FCN3: variants seen among roughly 807,000 people sequenced by gnomAD.
FCN3 encodes the protein ficolin 3.
Under a neutral mutation model 31.5 loss-of-function variants are expected in FCN3, and 28 were observed. The ratio of observed to expected loss-of-function variants is 0.89; its 90% CI spans 0.66 to 1.22. FCN3 has a LOEUF of 1.22. Ranked by LOEUF, FCN3 falls within the 50% of genes most tolerant of loss-of-function variation. The pLI, the probability that FCN3 is intolerant of heterozygous loss-of-function variation, is 0.00. For synonymous variants in FCN3, 124 were observed against 147.4 expected (o/e 0.84, Z 1.15); for missense variants, 351 against 386.8 (o/e 0.91, Z 0.78).
intron 5 of FCN3, 59 bp from the exon 6 acceptor site, chr1:27,371,031 G>A: frequency 6.3e-7 from 1 of 1,575,816 alleles, no homozygotes; most frequent in Non-Finnish European, 8.7e-7. Context: ...AGCTGAGGGT[G>A]CAGGAACTGT....
Position 27,373,948 on chromosome 1 carries a change from C to T in FCN3, c.232+17G>A. ...GAGGCAAAGAAAGCGGGGAGGCCTC[C>T]AGCCCCACTTACTCACCTGGCTCAC... is the stretch of plus-strand genomic sequence containing the variant. On this transcript the variant is annotated intron_variant, in intron 3 of 7. Coordinates refer to ENST00000270879, the MANE Select transcript of FCN3 (RefSeq NM_003665.4). The T allele has an allele frequency of 6.2e-7, 1 of 1,611,978 alleles. No homozygotes were observed. Among genetic ancestry groups the T allele is most frequent in the Non-Finnish European group, 8.5e-7 (1 of 1,178,548 alleles).
At chr1:27,371,687 G>A (rs1297674296) in intron 5 of FCN3, among the ~76,000 whole-genome samples, 2 of 152,216 alleles carry the variant, frequency 1.3e-5, no homozygotes, top group Non-Finnish European at 2.9e-5. Flanking sequence ...CCCCCTCCAA[G>A]CCAAGTAGGC....
chr1:27,370,085 C>T (rs2016116041), intron 7 of FCN3, among the ~76,000 whole-genome samples: 4 of 151,456 alleles, frequency 2.6e-5, no homozygotes, highest in African/African-American at 9.7e-5. Flanking sequence ...TGGCTCGCTG[C>T]AACCTCTGCC....
chr1:27,371,048 T>G (rs1571088160), intron 5 of FCN3, 76 bp from the exon 6 acceptor site: 4 of 1,447,086 alleles, frequency 2.8e-6, no homozygotes, highest in Non-Finnish European at 3.8e-6. Flanking sequence ...CTGTGAGGGG[T>G]GGGTGGATAC....
intron 3 of FCN3, 131 bp from the exon 4 acceptor site, chr1:27,373,651 G>C (rs2016193306): frequency 1.1e-6 from 1 of 951,720 alleles, no homozygotes; most frequent in African/African-American, 1.6e-5. Flanking sequence ...CCCTGTAGGA[G>C]GGCCATCATA....
At position 27,374,747 on chromosome 1, in the gene FCN3, C is replaced by T. The variant is rs763657253; in HGVS notation, c.72G>A (p.Gln24=). Residue 24 remains glutamine (Q), a synonymous_variant, in exon 1 of 8, where the codon CAG becomes CAA. Transcript: ENST00000270879. ...LLGGPACLKT[Q]EHPSCPGPRE... ...GCCCACCTGGGCAGCTGGGGTGTTC[C>T]TGGGTCTTCAGGCAGGCAGGCCCCC... 1 of 1,396,750 alleles carries T rather than the reference C, an allele frequency of 7.2e-7. No individual in the cohort carries two copies. Among genetic ancestry groups the T allele is most frequent in the Non-Finnish European group, 9.3e-7 (1 of 1,070,590 alleles). 86.5% of individuals were successfully genotyped at this position (1,396,750 alleles called of 1,614,324 possible).
At chr1:27,371,364 T>C (rs1485221219) in intron 5 of FCN3, among the ~76,000 whole-genome samples, 1 of 152,090 alleles carries the variant, frequency 6.6e-6, no homozygotes, top group Non-Finnish European at 1.5e-5. Context: ...TCACTTGAGG[T>C]CAGGAGTTTG....
rs1311995399 is a variant in FCN3, at chr1:27,373,176, G to A, written c.353C>T (p.Pro118Leu). ...HLCLPEGRAL[P>L]VFCDMDTEGG... ...CTCGGTGTCCATGTCACAAAAGACTGGGAGGGCCCTGCCCTCAGGTAGGCA... is the reference window on the plus strand; with the variant it reads ...CTCGGTGTCCATGTCACAAAAGACTAGGAGGGCCCTGCCCTCAGGTAGGCA... The change falls in exon 5 of 8, where the codon CCA (proline) becomes CTA (leucine). Residue 118 changes from proline (P) to leucine (L), a missense_variant. Transcript: ENST00000270879. 1 of 1,613,726 alleles carries A rather than the reference G, an allele frequency of 6.2e-7. No homozygotes were observed. The highest frequency in any genetic ancestry group is 2.2e-5 in the East Asian group (1 of 44,880).
chr1:27,370,674 G>A lies in FCN3; in HGVS notation c.580C>T (p.His194Tyr). 1 of 1,614,262 alleles carries A rather than the reference G, an allele frequency of 6.2e-7. No individual in the cohort carries two copies. Residue 194 changes from histidine (H) to tyrosine (Y), a missense_variant, in exon 7 of 8, where the codon CAC becomes TAC. Physicochemically the swap from His to Tyr is moderately conservative, Grantham distance 83 (BLOSUM62 2). Transcript: ENST00000270879. ...CCGAGGAGGCGGAAGGTCGCATAGTGGGCGAAAGTACGGTTACCATTAAAG... is the reference window on the plus strand; with the variant it reads ...CCGAGGAGGCGGAAGGTCGCATAGTAGGCGAAAGTACGGTTACCATTAAAG... ...EDFNGNRTFA[H>Y]YATFRLLGEV...
Position 27,372,340 on chromosome 1 carries a change from G to A in FCN3, c.393+796C>T, listed in dbSNP as rs369807612. Among the ~76,000 whole-genome samples the A allele has an allele frequency of 2.8e-3, 424 of 151,316 alleles. 1 individual carries two copies. The highest frequency in any genetic ancestry group is 9.5e-3 in the African/African-American group (391 of 41,262). ...TTGGCTCACTGCAACCACCACCTCC[G>A]GGGTTCAAGCAATTCTCCCAGCTCA... is the stretch of plus-strand genomic sequence containing the variant. On this transcript the variant is annotated intron_variant, in intron 5 of 7. Transcript: ENST00000270879.
Position 27,374,362 on chromosome 1 carries a change from G to A in FCN3, c.181C>T (p.Pro61Ser). 6.2e-7 allele frequency: 1 copy of A among 1,610,976 alleles called. No homozygotes were observed. Among genetic ancestry groups the A allele is most frequent in the Non-Finnish European group, 8.5e-7 (1 of 1,177,476 alleles). Residue 61 changes from proline to serine, a missense_variant, in exon 2 of 8, where the codon CCT becomes TCT. Transcript: ENST00000270879. Reference sequence around the variant, plus strand: ...GCTCCCCAGCCCCTCTCACCTTGAGGACCTGGGGCTCCCTTCTCCCCAGGA... The same window carrying A: ...GCTCCCCAGCCCCTCTCACCTTGAGAACCTGGGGCTCCCTTCTCCCCAGGA... ...GSPGEKGAPG[P>S]QGPPGPPGKM...
At position 27,370,976 on chromosome 1, in the gene FCN3, G is replaced by C. The variant is rs1199094997; in HGVS notation, c.394-4C>G. 3 of 1,611,446 alleles carry C rather than the reference G, an allele frequency of 1.9e-6. No homozygotes were observed. Among genetic ancestry groups the C allele is most frequent in the Non-Finnish European group, 2.5e-6 (3 of 1,179,416 alleles). ...CATCCTGGCGCCTCTGAAACACCTGGGGGAGGGGGGGCACAGCAGCTATTA... is the reference window on the plus strand; with the variant it reads ...CATCCTGGCGCCTCTGAAACACCTGCGGGAGGGGGGGCACAGCAGCTATTA... On this transcript the variant is annotated splice_region_variant and splice_polypyrimidine_tract_variant and intron_variant, in intron 5 of 7. Transcript: ENST00000270879.
At position 27,373,960 on chromosome 1, in the gene FCN3, C is replaced by G; in HGVS notation, c.232+5G>C. ...GCGGGGAGGCCTCCAGCCCCACTTA[C>G]TCACCTGGCTCACCCTTGGGGCCCA... On this transcript the variant is annotated splice_donor_5th_base_variant and intron_variant, in intron 3 of 7. Transcript: ENST00000270879. 6.2e-7 allele frequency: 1 copy of G among 1,613,288 alleles called. No homozygotes were observed. The highest frequency in any genetic ancestry group is 8.5e-7 in the Non-Finnish European group (1 of 1,179,582).
intron 7 of FCN3, 79 bp from the exon 8 acceptor site, chr1:27,369,556 C>A: frequency 2.2e-6 from 3 of 1,349,130 alleles, no homozygotes. Flanking sequence ...CCATGGGAGT[C>A]TCAGAGCAAC....
intron 5 of FCN3, among the ~76,000 whole-genome samples, chr1:27,372,272 G>A (rs1198159412): frequency 6.9e-6 from 1 of 145,894 alleles, no homozygotes; most frequent in African/African-American, 2.5e-5. Flanking sequence ...TTTTAAGACA[G>A]AGTCTCACTC....
intron 2 of FCN3, 158 bp downstream of exon 2, chr1:27,374,198 C>A: frequency 1.4e-6 from 1 of 712,120 alleles, no homozygotes. Flanking sequence ...AACCACTTAC[C>A]TGGCAGAGTT....
At chr1:27,370,762 T>C in intron 6 of FCN3, 32 bp from the exon 7 acceptor site, 1 of 1,612,956 alleles carries the variant, frequency 6.2e-7, no homozygotes, top group Non-Finnish European at 8.5e-7. Flanking sequence ...GATGGAGGAA[T>C]CCTCAGTTCT....
intron 5 of FCN3, among the ~76,000 whole-genome samples, chr1:27,371,462 G>T (rs1417447719): frequency 1.3e-5 from 2 of 152,074 alleles, no homozygotes; most frequent in Non-Finnish European, 2.9e-5. Flanking sequence ...TGTAGTTCCA[G>T]CTACTCAGGA....
chr1:27,374,253 G>T, intron 2 of FCN3, 103 bp downstream of exon 2: 1 of 837,610 alleles, frequency 1.2e-6, no homozygotes, highest in Non-Finnish European at 1.9e-6. Context: ...GCACAGAGTA[G>T]GTTCCTTGCT....
Sources: gnomAD v4.1 joint callset for allele counts (sites outside exome capture counted in the v4.1 genomes callset) on GRCh38, gnomAD v4.1.1 for gene constraint, MANE v1.5 for transcripts, NCBI Gene and HGNC (gene_info 2026-07-23, HGNC 2026-07-21) for gene names.